ASH1L: variants seen among roughly 807,000 people sequenced by gnomAD.
The protein encoded by ASH1L is histone-lysine N-methyltransferase ASH1L.
Under a neutral mutation model 269.0 loss-of-function variants are expected in ASH1L, and 23 were observed. The ratio of observed to expected loss-of-function variants is 0.09; its 90% confidence interval spans 0.06 to 0.12. The LOEUF is 0.12. Ranked by LOEUF, ASH1L falls within the 10% of genes least tolerant of loss-of-function variation. The probability of loss-of-function intolerance (pLI) is 1.00; values close to 1 mark genes in which losing one functional copy is unlikely to be tolerated. For missense variants in ASH1L, 2,912 were observed against 3,567.8 expected (o/e 0.82, Z 4.68); for synonymous variants, 1,187 against 1,253.5 (o/e 0.95, Z 1.12).
chr1:155,352,759 G>C lies in ASH1L; in HGVS notation c.7313C>G (p.Ala2438Gly). The C allele has an allele frequency of 6.2e-7, 1 of 1,613,838 alleles. No homozygotes were observed. The highest frequency in any genetic ancestry group is 8.5e-7 in the Non-Finnish European group (1 of 1,179,934). Residue 2438 changes from alanine to glycine, a missense_variant, in exon 17 of 28, where the codon GCC becomes GGC. By Grantham distance (60) the Ala-to-Gly change is moderately conservative (BLOSUM62 0). Around this residue, in one of 13 missense-constraint regions of ASH1L, gnomAD observed 309 missense variants for 435.1 expected, o/e 0.71. Transcript: ENST00000392403. Reference sequence around the variant, plus strand: ...TTCTTTGAAGATCTGGGCTAGGCGGGCTGCCCGAGCCACTTCAATATTTTC... The same window carrying C: ...TTCTTTGAAGATCTGGGCTAGGCGGCCTGCCCGAGCCACTTCAATATTTTC... Reference protein sequence around the residue: ...AEENIEVARAARLAQIFKEIC... With the variant: ...AEENIEVARAGRLAQIFKEIC...
chr1:155,421,354 G>T (rs1571167125), intron 5 of ASH1L, among the ~76,000 whole-genome samples: 1 of 77,624 alleles, frequency 1.3e-5, no homozygotes. Context: ...AAAATGCCAA[G>T]ATAATTCACA....
chr1:155,339,434 GC>G, intron 25 of ASH1L, 66 bp from the exon 26 acceptor site: 1 of 1,496,714 alleles, frequency 6.7e-7, no homozygotes, highest in Non-Finnish European at 9.3e-7. Context: ...CTTCTCTGGG[GC>G]CAGTCAGGAT....
At chr1:155,544,336 G>C (rs1670647262) in intron 1 of ASH1L, among the ~76,000 whole-genome samples, 1 of 151,524 alleles carries the variant, frequency 6.6e-6, no homozygotes, top group Non-Finnish European at 1.5e-5. Flanking sequence ...ACCCAGGCTG[G>C]AGTACAGTGG....
intron 6 of ASH1L, among the ~76,000 whole-genome samples, chr1:155,405,180 A>C (rs989003089): frequency 6.6e-6 from 1 of 151,858 alleles, no homozygotes; most frequent in African/African-American, 2.4e-5. Context: ...AAACTATAAA[A>C]CACTGTTAAA....
chr1:155,441,351 C>A (rs1662547384), intron 4 of ASH1L, among the ~76,000 whole-genome samples: 1 of 151,144 alleles, frequency 6.6e-6, no homozygotes. Context: ...AGCTTCCAAG[C>A]TGCAAGGAAG....
chr1:155,375,729 T>A (rs1462710282), intron 10 of ASH1L, among the ~76,000 whole-genome samples: 1 of 150,958 alleles, frequency 6.6e-6, no homozygotes, highest in African/African-American at 2.4e-5. Context: ...ACCCGGGAGG[T>A]GGAGGCTGCA....
chr1:155,420,272 C>A (rs1660561040), intron 5 of ASH1L, among the ~76,000 whole-genome samples: 1 of 149,638 alleles, frequency 6.7e-6, no homozygotes, highest in Non-Finnish European at 1.5e-5. Flanking sequence ...TTGAATTGAG[C>A]CAAAATGGTT....
intron 7 of ASH1L, 64 bp downstream of exon 7, chr1:155,395,395 T>C (rs1172725981): frequency 1.4e-5 from 17 of 1,207,192 alleles, no homozygotes; most frequent in Non-Finnish European, 1.9e-5. Flanking sequence ...TAAAAAGACA[T>C]TTCCCTCAAA....
In ASH1L at chr1:155,459,866, G is replaced by C; in HGVS notation, c.5017C>G (p.Arg1673Gly). 6.2e-7 allele frequency: 1 copy of C among 1,610,790 alleles called. No homozygotes were observed. Among genetic ancestry groups the C allele is most frequent in the Non-Finnish European group, 8.5e-7 (1 of 1,178,726 alleles). The change falls in exon 4 of 28, where the codon CGG (arginine) becomes GGG (glycine). Residue 1673 changes from arginine (R) to glycine (G), a missense_variant. Around this residue, in one of 13 missense-constraint regions of ASH1L, gnomAD observed 789 missense variants for 897.6 expected, o/e 0.88. Transcript: ENST00000392403. Reference sequence around the variant, plus strand: ...CTACAATTTGTGCTCTCTGATGGCCGCTGGGAGGGTTTATCAGAGGTTGGC... The same window carrying C: ...CTACAATTTGTGCTCTCTGATGGCCCCTGGGAGGGTTTATCAGAGGTTGGC... ...SQPTSDKPSQ[R>G]PSESTNCSPT...
chr1:155,412,823 C>G (rs1659909752), intron 6 of ASH1L, among the ~76,000 whole-genome samples: 1 of 151,862 alleles, frequency 6.6e-6, no homozygotes, highest in African/African-American at 2.4e-5. Context: ...ATTGAGGACA[C>G]CCAGCTGCTG....
chr1:155,434,203 G>C (rs1160176898), intron 5 of ASH1L: 1 of 1,596,232 alleles, frequency 6.3e-7, no homozygotes, highest in African/African-American at 1.3e-5. Context: ...CTTTCCCTGA[G>C]GGGGAAGCCT....
chr1:155,461,846 T>C (rs1283867310), intron 3 of ASH1L, among the ~76,000 whole-genome samples: 1 of 148,864 alleles, frequency 6.7e-6, no homozygotes, highest in South Asian at 2.2e-4. Context: ...TCTCCCAGGC[T>C]GGAGAGCAGT....
At chr1:155,490,652 ACACT>A in intron 2 of ASH1L, among the ~76,000 whole-genome samples, 1 of 151,210 alleles carries the variant, frequency 6.6e-6, no homozygotes, top group East Asian at 2.0e-4. Flanking sequence ...ACATACACAC[ACACT>A]CTCTCTCTCT....
At chr1:155,485,956 GAA>G (rs201851090) in intron 2 of ASH1L, among the ~76,000 whole-genome samples, 2 of 132,848 alleles carry the variant, frequency 1.5e-5, no homozygotes, top group Non-Finnish European at 1.7e-5. Context: ...TGTGTCTATT[GAA>G]AAAAAAAAAA....
chr1:155,360,002 C>T lies in ASH1L; in HGVS notation c.6795+299G>A, dbSNP rs534153547. Among the ~76,000 whole-genome samples the T allele has an allele frequency of 5.9e-5, 9 of 152,186 alleles. No individual in the cohort carries two copies. The East Asian group carries it at 1.7e-3, about 29-fold the overall frequency. On this transcript the variant is annotated intron_variant, in intron 13 of 27. Coordinates refer to ENST00000392403, the MANE Select transcript of ASH1L (RefSeq NM_018489.3). ...CCGCCTCCAAGGTTGAAGCAATTCTCCTGCCTTAGCCTCCAATAAACTGGG... is the reference window on the plus strand; with the variant it reads ...CCGCCTCCAAGGTTGAAGCAATTCTTCTGCCTTAGCCTCCAATAAACTGGG...
At chr1:155,532,842 T>C (rs1179533018) in intron 1 of ASH1L, among the ~76,000 whole-genome samples, 2 of 147,348 alleles carry the variant, frequency 1.4e-5, no homozygotes, top group African/African-American at 5.0e-5. Flanking sequence ...AAAAAAATTA[T>C]ATATATATAT....
At chr1:155,435,324 G>C (rs1158872657) in intron 5 of ASH1L, among the ~76,000 whole-genome samples, 1 of 152,078 alleles carries the variant, frequency 6.6e-6, no homozygotes, top group Non-Finnish European at 1.5e-5. Flanking sequence ...AAAAAAGCAA[G>C]ATCTAGTCAA....
At position 155,426,047 on chromosome 1, in the gene ASH1L, C is replaced by A. The variant is rs188441291; in HGVS notation, c.5829-10124G>T. Reference sequence around the variant, plus strand: ...GGGACTACAGGCGCCTGCCACCATGCCCGGCTAATTTTATTTATTTATTTA... The same window carrying A: ...GGGACTACAGGCGCCTGCCACCATGACCGGCTAATTTTATTTATTTATTTA... On this transcript the variant is annotated intron_variant, in intron 5 of 27. Transcript: ENST00000392403. Among the ~76,000 whole-genome samples, 36 of 151,964 alleles carry A rather than the reference C, an allele frequency of 2.4e-4. No homozygotes were observed. In the East Asian group the frequency reaches 6.4e-3, roughly 27 times the overall value.
chr1:155,511,228 T>C (rs150338467), intron 2 of ASH1L, among the ~76,000 whole-genome samples: 325 of 152,340 alleles, frequency 2.1e-3, no homozygotes, highest in African/African-American at 7.4e-3. Context: ...AAGAACTCAC[T>C]GGAACCAAAG....
Sources: allele counts gnomAD v4.1 joint callset (sites outside exome capture counted in the v4.1 genomes callset), GRCh38; gene constraint gnomAD v4.1.1; regional missense constraint gnomAD v4.1.1; transcripts MANE v1.5; gene names NCBI Gene and HGNC (gene_info 2026-07-23, HGNC 2026-07-21).